The following WWOX variants were observed in gnomAD, a reference collection of about 807,000 sequenced individuals.
WWOX encodes the protein WW domain containing oxidoreductase.
A neutral mutation model predicts 46.2 loss-of-function variants in WWOX; 69 were observed. That is an observed-to-expected ratio of 1.49 (90% CI 1.23 to 1.82). WWOX has a LOEUF of 1.82. WWOX is among the 40% of genes most tolerant of loss of function. The pLI, the probability that WWOX is intolerant of heterozygous loss-of-function variation, is 0.00. For synonymous variants in WWOX, 359 were observed against 202.6 expected (o/e 1.77, Z -6.56); for missense variants, 919 against 542.6 (o/e 1.69, Z -6.89).
chr16:78,914,171 T>C (rs927306493), intron 8 of WWOX, among the ~76,000 whole-genome samples: 1 of 152,108 alleles, frequency 6.6e-6, no homozygotes, highest in Non-Finnish European at 1.5e-5. Flanking sequence ...CTCTATCCCA[T>C]AACTCTATTT....
chr16:78,976,573 A>G (rs757178737), intron 8 of WWOX, among the ~76,000 whole-genome samples: 3 of 152,278 alleles, frequency 2.0e-5, no homozygotes, highest in Middle Eastern at 3.4e-3. Context: ...TCAGCCTGGG[A>G]TCTTGCAGCT....
intron 6 of WWOX, among the ~76,000 whole-genome samples, chr16:78,392,135 G>C (rs552256007): frequency 6.6e-6 from 1 of 152,022 alleles, no homozygotes; most frequent in Non-Finnish European, 1.5e-5. Flanking sequence ...GGGTGGCATG[G>C]CAGGGAGTGA....
At chr16:78,607,403 T>C (rs549679029) in intron 8 of WWOX, among the ~76,000 whole-genome samples, 2 of 152,320 alleles carry the variant, frequency 1.3e-5, no homozygotes, top group East Asian at 3.9e-4. Context: ...TGGAAAGTTG[T>C]CAGCTTATCT....
intron 8 of WWOX, among the ~76,000 whole-genome samples, chr16:78,779,347 G>A (rs1371847151): frequency 2.0e-5 from 3 of 152,102 alleles, no homozygotes; most frequent in Non-Finnish European, 1.5e-5. Context: ...CAGTTTTGCT[G>A]TGTTGCCCAG....
chr16:78,379,862 T>A (rs1466886539), intron 5 of WWOX, among the ~76,000 whole-genome samples: 1 of 152,236 alleles, frequency 6.6e-6, no homozygotes, highest in Non-Finnish European at 1.5e-5. Context: ...CTTGAGATGT[T>A]TTTTCTCCTC....
intron 8 of WWOX, among the ~76,000 whole-genome samples, chr16:79,027,113 C>A (rs1435896101): frequency 2.0e-5 from 3 of 151,280 alleles, no homozygotes; most frequent in Non-Finnish European, 4.4e-5. Context: ...GACCCCATCT[C>A]TACAAAAAAT....
intron 8 of WWOX, among the ~76,000 whole-genome samples, chr16:78,830,783 G>C (rs992168857): frequency 2.6e-5 from 4 of 151,866 alleles, no homozygotes; most frequent in South Asian, 4.2e-4. Context: ...AGGGCCCCCT[G>C]GGAGTCAGAG....
chr16:78,796,190 A>T (rs1371258049), intron 8 of WWOX, among the ~76,000 whole-genome samples: 1 of 152,174 alleles, frequency 6.6e-6, no homozygotes, highest in Non-Finnish European at 1.5e-5. Flanking sequence ...AACTCCTAGA[A>T]CTGTCGTTGA....
At chr16:78,135,723 A>T (rs1053046586) in intron 4 of WWOX, among the ~76,000 whole-genome samples, 1 of 152,184 alleles carries the variant, frequency 6.6e-6, no homozygotes, top group Non-Finnish European at 1.5e-5. Flanking sequence ...AACAAAAAAA[A>T]CACCTTCCAC....
chr16:78,209,671 C>T (rs925553350), intron 5 of WWOX, among the ~76,000 whole-genome samples: 1 of 151,198 alleles, frequency 6.6e-6, no homozygotes, highest in Non-Finnish European at 1.5e-5. Context: ...TTTGTATCCT[C>T]TAGTCTGAGC....
At chr16:78,249,492 C>A (rs2037922053) in intron 5 of WWOX, among the ~76,000 whole-genome samples, 1 of 152,160 alleles carries the variant, frequency 6.6e-6, no homozygotes, top group Non-Finnish European at 1.5e-5. Context: ...TCCCTTAATC[C>A]CCTTAATTTT....
rs113668941 is a variant in WWOX, at chr16:78,962,452, C to G, written c.1057-249156C>G. Among the ~76,000 whole-genome samples, 161 of 151,942 alleles carry G rather than the reference C, an allele frequency of 1.1e-3. 1 individual carries two copies. The highest frequency in any genetic ancestry group is 3.6e-3 in the African/African-American group (148 of 41,418). On this transcript the variant is annotated intron_variant, in intron 8 of 8. Coordinates refer to ENST00000566780, the MANE Select transcript of WWOX (RefSeq NM_016373.4). ...AATTTCCTTGTAGGCCAAGCTTACT[C>G]TCAGGGATGACAGTCATTTTCTAAG...
intron 5 of WWOX, among the ~76,000 whole-genome samples, chr16:78,183,950 T>G (rs976454688): frequency 3.9e-5 from 6 of 152,222 alleles, no homozygotes; most frequent in Non-Finnish European, 7.3e-5. Context: ...GCCTTTCGGC[T>G]TGCATCCTAA....
chr16:78,770,962 C>G (rs1397456709), intron 8 of WWOX, among the ~76,000 whole-genome samples: 1 of 152,148 alleles, frequency 6.6e-6, no homozygotes, highest in Non-Finnish European at 1.5e-5. Flanking sequence ...CAAGGAAGAC[C>G]TCTCTAAAAA....
chr16:78,865,053 G>C (rs535315461), intron 8 of WWOX, among the ~76,000 whole-genome samples: 1 of 151,880 alleles, frequency 6.6e-6, no homozygotes, highest in African/African-American at 2.4e-5. Context: ...GTGAGCCACC[G>C]CGCCTGGCTT....
rs78816831 is a variant in WWOX at position 78,187,618 on chromosome 16, G to C, written c.516+23329G>C. 3.8e-3 allele frequency among the ~76,000 whole-genome samples: 578 copies of C among 152,170 alleles called. 3 individuals are homozygous for C. Among genetic ancestry groups the C allele is most frequent in the African/African-American group, 0.013 (553 of 41,502 alleles). The stretch of plus-strand genomic sequence containing the variant: ...TGAGACTCTGAGACTTCGAGACTCT[G>C]TCCCCAAAAAAAGACGCAAAGGAGC... On this transcript the variant is annotated intron_variant, in intron 5 of 8. Transcript: ENST00000566780.
intron 6 of WWOX, among the ~76,000 whole-genome samples, chr16:78,403,987 C>G (rs1042678804): frequency 6.6e-6 from 1 of 152,140 alleles, no homozygotes. Flanking sequence ...AACATATATT[C>G]ATTTTTTAAA....
At chr16:79,077,148 G>T (rs2048673160) in intron 8 of WWOX, among the ~76,000 whole-genome samples, 1 of 152,178 alleles carries the variant, frequency 6.6e-6, no homozygotes, top group East Asian at 1.9e-4. Context: ...GTGCTTTGTA[G>T]AATTAATCGG....
chr16:78,334,809 CA>C (rs1759709029), intron 5 of WWOX, among the ~76,000 whole-genome samples: 1 of 68,660 alleles, frequency 1.5e-5, no homozygotes, highest in Non-Finnish European at 3.4e-5. Context: ...CACACACACG[CA>C]CACACACACA....
Sources: gnomAD v4.1 joint callset for allele counts (sites outside exome capture counted in the v4.1 genomes callset) on GRCh38, gnomAD v4.1.1 for gene constraint, MANE v1.5 for transcripts, NCBI Gene and HGNC (gene_info 2026-07-23, HGNC 2026-07-21) for gene names.